Variants in TTC27 observed in about 807,000 individuals in gnomAD.
The protein encoded by TTC27 is tetratricopeptide repeat protein 27.
TTC27 carries 79 observed loss-of-function variants against 115.9 expected under a neutral mutation model. The observed-to-expected ratio is 0.68, with a 90% CI of 0.57 to 0.82. TTC27 has a LOEUF of 0.82. Among genes scored for constraint, TTC27 ranks in the 40% least tolerant of loss-of-function variants. The pLI is 0.00. For synonymous variants in TTC27, 401 were observed against 356.0 expected (o/e 1.13, Z -1.42); for missense variants, 1,054 against 993.1 (o/e 1.06, Z -0.82).
At chr2:32,659,207 C>G (rs1665441921) in intron 5 of TTC27, among the ~76,000 whole-genome samples, 1 of 152,178 alleles carries the variant, frequency 6.6e-6, no homozygotes, top group South Asian at 2.1e-4. Flanking sequence ...TTCAAGCAAT[C>G]TTTCCACCTA....
chr2:32,628,590 A>C (rs993189729), intron 1 of TTC27, among the ~76,000 whole-genome samples: 2 of 152,108 alleles, frequency 1.3e-5, no homozygotes, highest in Admixed American at 1.3e-4. Context: ...AGTAATAATG[A>C]CAATGGCAAT....
intron 8 of TTC27, among the ~76,000 whole-genome samples, chr2:32,676,731 C>T (rs902883585): frequency 1.3e-5 from 2 of 151,908 alleles, no homozygotes; most frequent in Non-Finnish European, 2.9e-5. Flanking sequence ...CCTCGTGATC[C>T]ACCTGCCTTG....
At chr2:32,747,809 C>T (rs2151922506) in intron 12 of TTC27, among the ~76,000 whole-genome samples, 1 of 152,176 alleles carries the variant, frequency 6.6e-6, no homozygotes, top group Admixed American at 6.5e-5. Context: ...CGTAGGATAC[C>T]TGGGGAGTAT....
chr2:32,745,981 T>G (rs1185576398), intron 12 of TTC27, among the ~76,000 whole-genome samples: 1 of 152,168 alleles, frequency 6.6e-6, no homozygotes, highest in Non-Finnish European at 1.5e-5. Flanking sequence ...AAGTTCTGCT[T>G]GAGTCTTGGC....
At chr2:32,650,840 G>A (rs1254778584) in intron 5 of TTC27, among the ~76,000 whole-genome samples, 2 of 152,086 alleles carry the variant, frequency 1.3e-5, no homozygotes, top group Non-Finnish European at 1.5e-5. Flanking sequence ...TGAAAAATTT[G>A]CCAAATAATT....
chr2:32,687,855 G>A (rs72858163), intron 9 of TTC27, among the ~76,000 whole-genome samples: 17,482 of 152,158 alleles, frequency 0.11, 1,409 homozygotes, highest in African/African-American at 0.23. Flanking sequence ...CACAATCATA[G>A]TTGAATATTT....
Position 32,723,971 on chromosome 2 carries a change from C to CTTT in TTC27, c.1234-9842_1234-9840dup, listed in dbSNP as rs36120062. Among the ~76,000 whole-genome samples, 446 of 92,436 alleles carry CTTT rather than the reference C, an allele frequency of 4.8e-3. 37 individuals are homozygous for CTTT. The highest frequency in any genetic ancestry group is 0.017 in the African/African-American group (403 of 24,042). 60.6% of individuals were successfully genotyped at this position (92,436 alleles called of 152,430 possible). A position where few individuals can be genotyped will look rare whatever the true frequency, so the allele number is the denominator to read the frequency against. On this transcript the variant is annotated intron_variant, in intron 10 of 19. Coordinates refer to ENST00000317907, the MANE Select transcript of TTC27 (RefSeq NM_017735.5). ...TGAGCCACCAGCTGGCATACATAAG[C>CTTT]TTTTTTTTTTTTTTTTTATAGAAAG... is the stretch of plus-strand genomic sequence containing the variant.
intron 9 of TTC27, among the ~76,000 whole-genome samples, chr2:32,688,445 CCTT>C (rs923043680): frequency 2.6e-5 from 4 of 152,194 alleles, no homozygotes; most frequent in East Asian, 3.9e-4. Flanking sequence ...AACATTAAAA[CCTT>C]CTGCTTTTTG....
chr2:32,676,493 G>GT (rs5830238), intron 8 of TTC27, among the ~76,000 whole-genome samples: 91,395 of 133,630 alleles, frequency 0.68, 31,940 homozygotes, highest in South Asian at 0.8. Flanking sequence ...TTTTCATTCT[G>GT]TTTTTTTTTT....
chr2:32,761,368 T>C (rs55782356), intron 13 of TTC27, among the ~76,000 whole-genome samples: 38,602 of 152,132 alleles, frequency 0.25, 5,053 homozygotes, highest in South Asian at 0.38. Flanking sequence ...TGATTAATTA[T>C]GTTACCTCCT....
chr2:32,641,902 C>G (rs2151864139), intron 4 of TTC27, among the ~76,000 whole-genome samples: 1 of 152,258 alleles, frequency 6.6e-6, no homozygotes, highest in East Asian at 1.9e-4. Flanking sequence ...GTAGCCCAGG[C>G]TGGAGTGCAG....
At chr2:32,696,205 A>T (rs1310071694) in intron 9 of TTC27, among the ~76,000 whole-genome samples, 1 of 151,850 alleles carries the variant, frequency 6.6e-6, no homozygotes, top group Non-Finnish European at 1.5e-5. Context: ...TGTTGTGTAT[A>T]TCAGAATGCT....
In TTC27 at chr2:32,786,996, T is replaced by C; in HGVS notation, c.1845T>C (p.Phe615=). 6.2e-7 allele frequency: 1 copy of C among 1,611,680 alleles called. No homozygotes were observed. The highest frequency in any genetic ancestry group is 8.5e-7 in the Non-Finnish European group (1 of 1,179,444). Residue 615 remains phenylalanine (F), a synonymous_variant, in exon 16 of 20, where the codon TTT becomes TTC. Transcript: ENST00000317907. The part of the protein sequence containing the change: ...YIRLKQKVKA[F]RTLQEALKCN... ...TGACCTTCAATAGAGTAAAAGCTTTTAGAACTTTACAAGAAGCTCTCAAGT... is the reference window on the plus strand; with the variant it reads ...TGACCTTCAATAGAGTAAAAGCTTTCAGAACTTTACAAGAAGCTCTCAAGT...
chr2:32,665,713 C>T (rs1264883998), intron 6 of TTC27, among the ~76,000 whole-genome samples: 1 of 151,944 alleles, frequency 6.6e-6, no homozygotes, highest in Non-Finnish European at 1.5e-5. Flanking sequence ...GCCAACATGG[C>T]AAAACCCGCC....
intron 10 of TTC27, among the ~76,000 whole-genome samples, chr2:32,707,742 A>G (rs1382020302): frequency 6.6e-6 from 1 of 152,186 alleles, no homozygotes; most frequent in Non-Finnish European, 1.5e-5. Context: ...GGTTTTATAT[A>G]TTCCATAGCT....
chr2:32,801,811 A>G (rs939638849), intron 16 of TTC27, among the ~76,000 whole-genome samples: 1 of 152,328 alleles, frequency 6.6e-6, no homozygotes, highest in Admixed American at 6.5e-5. Flanking sequence ...AGTGAACACC[A>G]CCAGAGATTT....
At chr2:32,705,445 G>A (rs1325588781) in intron 10 of TTC27, among the ~76,000 whole-genome samples, 1 of 151,942 alleles carries the variant, frequency 6.6e-6, no homozygotes, top group African/African-American at 2.4e-5. Flanking sequence ...TTCACCCATA[G>A]GTTTTAGCAT....
At chr2:32,813,156 A>G (rs954735763) in intron 18 of TTC27, among the ~76,000 whole-genome samples, 5 of 152,194 alleles carry the variant, frequency 3.3e-5, no homozygotes, top group African/African-American at 1.2e-4. Flanking sequence ...GCTTTTAGTT[A>G]TTAATTTTTA....
rs116058038 is a variant in TTC27 at position 32,780,409 on chromosome 2, A to T, written c.1780-2217A>T. ...ATTCCAAAGTGTTTTATCCTTTTTC[A>T]TACTATTATAAATGGAATTATTTTC... On this transcript the variant is annotated intron_variant, in intron 14 of 19. Transcript: ENST00000317907. Among the ~76,000 whole-genome samples, 1,381 of 151,928 alleles carry T rather than the reference A, an allele frequency of 9.1e-3. 14 individuals carry two copies. The highest frequency in any genetic ancestry group is 0.032 in the African/African-American group (1,340 of 41,448).
Sources: allele counts gnomAD v4.1 joint callset (sites outside exome capture counted in the v4.1 genomes callset), GRCh38; gene constraint gnomAD v4.1.1; transcripts MANE v1.5; gene names NCBI Gene and HGNC (gene_info 2026-07-23, HGNC 2026-07-21).